Variants in THSD7A observed in about 807,000 individuals in gnomAD.
THSD7A encodes thrombospondin type 1 domain containing 7A, also known as thrombospondin type-1 domain-containing protein 7A.
Under a neutral mutation model 231.3 loss-of-function variants are expected in THSD7A, and 96 were observed. The ratio of observed to expected loss-of-function variants is 0.41; its 90% CI spans 0.35 to 0.49. THSD7A has a LOEUF of 0.49. THSD7A is among the 20% of genes least tolerant of loss of function. The pLI, the probability that THSD7A is intolerant of heterozygous loss-of-function variation, is 0.05. For synonymous variants in THSD7A, 940 were observed against 743.3 expected, an observed-to-expected ratio of 1.26 and a Z score of -4.30; for missense variants, 2,290 against 2,070.2, an observed-to-expected ratio of 1.11 and a Z score of -2.06.
In THSD7A at chr7:11,636,483, C is replaced by A; in HGVS notation, c.669G>T (p.Ala223=). The A allele has an allele frequency of 6.2e-7, 1 of 1,613,674 alleles. No individual in the cohort carries two copies. The highest frequency in any genetic ancestry group is 8.5e-7 in the Non-Finnish European group (1 of 1,179,808). Residue 223 remains alanine (A), a synonymous_variant, in exon 2 of 28, where the codon GCG becomes GCT. Coordinates refer to ENST00000423059, the MANE Select transcript of THSD7A (RefSeq NM_015204.3). The surrounding 1 kb of genome is among the most constrained non-coding windows in gnomAD (Gnocchi z 10.0). ...GLQHRTRHVV[A]PPQFGGSGCP... is the part of the protein sequence containing the mutation. ...AGCCAGAGCCTCCGAACTGCGGGGG[C>A]GCCACCACATGACGCGTCCGGTGCT...
chr7:11,641,679 A>G (rs1782085491), intron 1 of THSD7A, among the ~76,000 whole-genome samples: 1 of 151,026 alleles, frequency 6.6e-6, no homozygotes, highest in Non-Finnish European at 1.5e-5. Flanking sequence ...ACTGAGGCTA[A>G]AGGAAAACAA....
intron 6 of THSD7A, among the ~76,000 whole-genome samples, chr7:11,523,299 T>C (rs1258331379): frequency 6.6e-6 from 1 of 152,012 alleles, no homozygotes; most frequent in Non-Finnish European, 1.5e-5. Flanking sequence ...GAGAAATGAT[T>C]ACTAAATGAG....
At chr7:11,384,728 A>AT (rs1340558017) in intron 23 of THSD7A, 1 of 151,956 alleles carries the variant, frequency 6.6e-6, no homozygotes, top group Non-Finnish European at 1.5e-5. Context: ...CTTTTTAACT[A>AT]TTGATGCTTT....
At chr7:11,497,468 T>G (rs929307122) in intron 6 of THSD7A, among the ~76,000 whole-genome samples, 14 of 152,176 alleles carry the variant, frequency 9.2e-5, no homozygotes, top group African/African-American at 3.4e-4. Flanking sequence ...ACATTAGGAA[T>G]AAGGTAACTC....
At chr7:11,689,250 G>A (rs1181179883) in intron 1 of THSD7A, among the ~76,000 whole-genome samples, 2 of 151,822 alleles carry the variant, frequency 1.3e-5, no homozygotes, top group African/African-American at 2.4e-5. Context: ...TATTATGTAA[G>A]GTCAAAGCAC....
intron 1 of THSD7A, among the ~76,000 whole-genome samples, chr7:11,665,071 C>A (rs1273165887): frequency 6.6e-6 from 1 of 152,040 alleles, no homozygotes; most frequent in Non-Finnish European, 1.5e-5. Flanking sequence ...TGATGTCAAG[C>A]AGGGTTTACT....
At chr7:11,718,058 A>T (rs1781204150) in intron 1 of THSD7A, among the ~76,000 whole-genome samples, 1 of 151,702 alleles carries the variant, frequency 6.6e-6, no homozygotes, top group Non-Finnish European at 1.5e-5. Context: ...TCATTATGGA[A>T]GTAATTTGCA....
At chr7:11,723,206 C>A (rs561331509) in intron 1 of THSD7A, among the ~76,000 whole-genome samples, 1 of 151,886 alleles carries the variant, frequency 6.6e-6, no homozygotes, top group Admixed American at 6.6e-5. Context: ...AACCATCATT[C>A]TCAGCAAACT....
At chr7:11,664,492 T>C (rs1190080927) in intron 1 of THSD7A, among the ~76,000 whole-genome samples, 1 of 151,978 alleles carries the variant, frequency 6.6e-6, no homozygotes, top group East Asian at 1.9e-4. Context: ...GTAACATTAT[T>C]ACTAAAAGAG....
At chr7:11,391,868 C>T (rs182449065) in intron 23 of THSD7A, among the ~76,000 whole-genome samples, 23 of 152,156 alleles carry the variant, frequency 1.5e-4, no homozygotes, top group African/African-American at 2.4e-4. Flanking sequence ...TGACCCCTTG[C>T]GCTCCCCAGG....
intron 1 of THSD7A, among the ~76,000 whole-genome samples, chr7:11,794,041 T>C (rs747756461): frequency 6.6e-6 from 1 of 151,904 alleles, no homozygotes; most frequent in Non-Finnish European, 1.5e-5. Flanking sequence ...AAGTGAAAGA[T>C]AATTGGAAGA....
chr7:11,815,083 C>CAAA lies in THSD7A; in HGVS notation c.190+16671_190+16673dup, dbSNP rs71027433. On this transcript the variant is annotated intron_variant, in intron 1 of 27. Coordinates refer to ENST00000423059, the MANE Select transcript of THSD7A (RefSeq NM_015204.3). Reference sequence around the variant, plus strand: ...TTTCATGTAGCCATTCCCTAAAACTCAAAAAAAAAAAGAATCTTTTAAAAA... The same window carrying CAAA: ...TTTCATGTAGCCATTCCCTAAAACTCAAAAAAAAAAAAAAGAATCTTTTAAAAA... 2.5e-4 allele frequency among the ~76,000 whole-genome samples: 37 copies of CAAA among 147,448 alleles called. No homozygotes were observed. In the East Asian group the frequency reaches 3.8e-3, roughly 15 times the overall value.
intron 1 of THSD7A, among the ~76,000 whole-genome samples, chr7:11,799,677 C>T (rs1562564469): frequency 6.6e-6 from 1 of 152,082 alleles, no homozygotes; most frequent in Non-Finnish European, 1.5e-5. Flanking sequence ...AAGAAATAAG[C>T]ATATTTTGGG....
intron 1 of THSD7A, among the ~76,000 whole-genome samples, chr7:11,805,083 AC>A: frequency 6.6e-6 from 1 of 152,200 alleles, no homozygotes; most frequent in South Asian, 2.1e-4. Flanking sequence ...TAGAGTTGTC[AC>A]CATATATCCA....
chr7:11,391,277 T>A (rs1278979678), intron 23 of THSD7A, among the ~76,000 whole-genome samples: 3 of 152,154 alleles, frequency 2.0e-5, no homozygotes, highest in African/African-American at 7.2e-5. Context: ...TCCTGCCTTT[T>A]TTTTCACAAA....
At chr7:11,756,863 C>T (rs934940251) in intron 1 of THSD7A, among the ~76,000 whole-genome samples, 5 of 152,100 alleles carry the variant, frequency 3.3e-5, no homozygotes, top group African/African-American at 1.2e-4. Flanking sequence ...TTAAAGAGGA[C>T]ATTTTTAGCC....
Position 11,820,814 on chromosome 7 carries a change from C to A in THSD7A, c.190+10943G>T, listed in dbSNP as rs566821402. The A allele has an allele frequency of 1.6e-4, 160 of 1,018,156 alleles. No homozygotes were observed. In the African/African-American group the frequency reaches 2.3e-3, roughly 15 times the overall value. The allele number at this position is 1,018,156 out of a possible 1,614,324, so 63.1% of individuals were successfully genotyped here. A position where few individuals can be genotyped will look rare whatever the true frequency, so the allele number is the denominator to read the frequency against. ...GGATCTGGACGTGCCTCTCGCTCTC[C>A]GGTGCTTCTTCTGCTTCTTTGATCC... is the stretch of plus-strand genomic sequence containing the variant. On this transcript the variant is annotated intron_variant, in intron 1 of 27. Coordinates refer to ENST00000423059, the MANE Select transcript of THSD7A (RefSeq NM_015204.3).
chr7:11,629,533 G>C (rs1450757074), intron 2 of THSD7A, among the ~76,000 whole-genome samples: 2 of 152,182 alleles, frequency 1.3e-5, no homozygotes, highest in African/African-American at 4.8e-5. Context: ...CCTAAAAGGA[G>C]TGTTACTTTA....
chr7:11,611,884 A>ATCTATCTATCTG (rs1562768768), intron 2 of THSD7A, among the ~76,000 whole-genome samples: 3 of 143,110 alleles, frequency 2.1e-5, no homozygotes, highest in African/African-American at 8.0e-5. Flanking sequence ...CTATCTATCT[A>ATCTATCTATCTG]TCTGTCTATC....
Sources: allele counts gnomAD v4.1 joint callset (sites outside exome capture counted in the v4.1 genomes callset), GRCh38; gene constraint gnomAD v4.1.1; non-coding constraint Gnocchi (gnomAD v3.1); transcripts MANE v1.5; gene names NCBI Gene and HGNC (gene_info 2026-07-23, HGNC 2026-07-21).